NLK: variants seen among roughly 807,000 people sequenced by gnomAD.
NLK encodes nemo like kinase.
NLK carries 11 observed loss-of-function variants against 59.0 expected under a neutral mutation model. That is an observed-to-expected ratio of 0.19 (90% CI 0.12 to 0.31). The LOEUF is 0.31. Among genes scored for constraint, NLK ranks in the 10% least tolerant of loss-of-function variants. NLK has a pLI of 1.00. For missense variants in NLK, 410 were observed against 661.1 expected, an observed-to-expected ratio of 0.62 and a Z score of 4.16; for synonymous variants, 235 against 235.9, an observed-to-expected ratio of 1.00 and a Z score of 0.03.
intron 1 of NLK, among the ~76,000 whole-genome samples, chr17:28,072,439 C>T (rs1011739610): frequency 2.0e-5 from 3 of 151,550 alleles, no homozygotes; most frequent in African/African-American, 7.3e-5. Flanking sequence ...AATCCTCCAA[C>T]TTCAGCCTCC....
intron 1 of NLK, among the ~76,000 whole-genome samples, chr17:28,101,441 C>T (rs1181356098): frequency 6.6e-6 from 1 of 152,160 alleles, no homozygotes; most frequent in Admixed American, 6.5e-5. Flanking sequence ...TTTAGGTTGT[C>T]ACCAATTTCT....
At chr17:28,192,019 G>A (rs1909322779) in intron 9 of NLK, 101 bp from the exon 10 acceptor site, 4 of 632,952 alleles carry the variant, frequency 6.3e-6, no homozygotes, top group Middle Eastern at 2.5e-4. Flanking sequence ...AACTAAACCA[G>A]TAGGCAGTGC....
At chr17:28,072,446 C>A (rs965782966) in intron 1 of NLK, among the ~76,000 whole-genome samples, 1 of 151,846 alleles carries the variant, frequency 6.6e-6, no homozygotes, top group Non-Finnish European at 1.5e-5. Context: ...CAACTTCAGC[C>A]TCCCAAGGGG....
At chr17:28,110,989 C>T (rs4795315) in intron 1 of NLK, among the ~76,000 whole-genome samples, 3 of 146,922 alleles carry the variant, frequency 2.0e-5, no homozygotes, top group Non-Finnish European at 4.5e-5. Context: ...GGACTACAGG[C>T]GCCCGCCACT....
chr17:28,130,035 T>C (rs1020549500), intron 2 of NLK, among the ~76,000 whole-genome samples: 2 of 152,322 alleles, frequency 1.3e-5, no homozygotes, highest in South Asian at 2.1e-4. Context: ...CTTTAATTCA[T>C]TTTTTAATTA....
intron 1 of NLK, among the ~76,000 whole-genome samples, chr17:28,094,992 C>T (rs1904649068): frequency 6.6e-6 from 1 of 152,158 alleles, no homozygotes; most frequent in Non-Finnish European, 1.5e-5. Context: ...AGGAAAGGGA[C>T]CTGACCTAGC....
intron 1 of NLK, among the ~76,000 whole-genome samples, chr17:28,113,785 C>T (rs573959740): frequency 1.3e-5 from 2 of 152,260 alleles, no homozygotes; most frequent in East Asian, 3.9e-4. Flanking sequence ...TTACCCAACC[C>T]CCATTCAAGA....
In NLK at chr17:28,136,950, C is replaced by CAA. The variant is rs67290939; in HGVS notation, c.644+4294_644+4295dup. On this transcript the variant is annotated intron_variant, in intron 3 of 10. Transcript: ENST00000407008. ...ACAAATAAATTTGTTGTAGCCAAAG[C>CAA]AAAAAAAAAAAAAAAAAAAATTCCT... Among the ~76,000 whole-genome samples the CAA allele has an allele frequency of 8.9e-4, 72 of 80,624 alleles. No individual in the cohort carries two copies. The East Asian group carries it at 9.0e-3, about 10-fold the overall frequency. The allele number at this position is 80,624 out of a possible 152,430, so 52.9% of individuals were successfully genotyped here.
chr17:28,057,260 A>G (rs1763918253), intron 1 of NLK, among the ~76,000 whole-genome samples: 1 of 152,070 alleles, frequency 6.6e-6, no homozygotes, highest in South Asian at 2.1e-4. Context: ...CAACTGCATT[A>G]CCTACTTTGA....
intron 7 of NLK, among the ~76,000 whole-genome samples, chr17:28,184,206 T>C (rs1267027222): frequency 6.6e-6 from 1 of 152,228 alleles, no homozygotes; most frequent in Non-Finnish European, 1.5e-5. Flanking sequence ...TCTTACAGGT[T>C]CTGTAAGTTC....
intron 2 of NLK, among the ~76,000 whole-genome samples, chr17:28,131,586 TAAAAAA>T (rs35804817): frequency 0.03 from 2,471 of 83,676 alleles, 32 homozygotes; most frequent in Non-Finnish European, 0.044. Context: ...TTCTCTGTAG[TAAAAAA>T]AAAAAAAAAA....
At chr17:28,072,382 G>C (rs919415141) in intron 1 of NLK, among the ~76,000 whole-genome samples, 2 of 148,234 alleles carry the variant, frequency 1.3e-5, no homozygotes, top group African/African-American at 5.0e-5. Flanking sequence ...CTGGAGTGCA[G>C]ATGTGCGGTT....
chr17:28,152,994 C>G (rs988993760), intron 3 of NLK, among the ~76,000 whole-genome samples: 2 of 151,418 alleles, frequency 1.3e-5, no homozygotes, highest in African/African-American at 4.9e-5. Flanking sequence ...CAAGTTTCGG[C>G]CAGGCACAGT....
chr17:28,118,883 G>A (rs1905899679), intron 1 of NLK, among the ~76,000 whole-genome samples: 1 of 152,170 alleles, frequency 6.6e-6, no homozygotes, highest in Non-Finnish European at 1.5e-5. Flanking sequence ...GTAAACTCCT[G>A]TAAGTAAAAC....
At chr17:28,115,084 G>C (rs1321585996) in intron 1 of NLK, among the ~76,000 whole-genome samples, 1 of 152,212 alleles carries the variant, frequency 6.6e-6, no homozygotes, top group African/African-American at 2.4e-5. Context: ...AAGATGCAGT[G>C]AGGCTAGTTC....
intron 4 of NLK, 127 bp from the exon 5 acceptor site, chr17:28,163,416 T>A: frequency 1.7e-6 from 1 of 588,784 alleles, no homozygotes; most frequent in South Asian, 2.3e-5. Context: ...CTTTTAATAA[T>A]GTTCATTATG....
At chr17:28,147,495 C>G (rs958128965) in intron 3 of NLK, among the ~76,000 whole-genome samples, 2 of 152,100 alleles carry the variant, frequency 1.3e-5, no homozygotes, top group Non-Finnish European at 2.9e-5. Flanking sequence ...AAATATTGAT[C>G]ATGGTACAGA....
intron 1 of NLK, among the ~76,000 whole-genome samples, chr17:28,053,292 G>A (rs1219169985): frequency 6.6e-6 from 1 of 152,188 alleles, no homozygotes; most frequent in Non-Finnish European, 1.5e-5. Context: ...AGAAGAACTT[G>A]AGTGGGTATA....
chr17:28,193,126 A>C (rs1238023951), intron 10 of NLK, among the ~76,000 whole-genome samples: 1 of 152,258 alleles, frequency 6.6e-6, no homozygotes, highest in Admixed American at 6.5e-5. Context: ...TTCAGTAATA[A>C]GAACTGTTAA....
Sources: gnomAD v4.1 joint callset for allele counts (sites outside exome capture counted in the v4.1 genomes callset) on GRCh38, gnomAD v4.1.1 for gene constraint, MANE v1.5 for transcripts, NCBI Gene and HGNC (gene_info 2026-07-23, HGNC 2026-07-21) for gene names.